Variants in CCDC171 observed in about 807,000 individuals in gnomAD.
CCDC171 encodes the protein coiled-coil domain containing 171, also known as coiled-coil domain-containing protein 171.
A neutral mutation model predicts 168.2 loss-of-function variants in CCDC171; 177 were observed. That is an observed-to-expected ratio of 1.05 (90% CI 0.93 to 1.19). CCDC171 has a LOEUF of 1.19. CCDC171 is among the 50% of genes most tolerant of loss of function. The pLI is 0.00. For missense variants in CCDC171, 1,991 were observed against 1,539.0 expected (o/e 1.29, Z -4.91); for synonymous variants, 687 against 540.8 (o/e 1.27, Z -3.75).
the CCDC171 span, among the ~76,000 whole-genome samples, chr9:16,073,490 T>A: frequency 6.6e-6 from 1 of 152,254 alleles, no homozygotes; most frequent in Non-Finnish European, 1.5e-5. Context: ...CAATCATAAT[T>A]AATGTTTGTT....
chr9:15,559,898 C>T (rs1267791314), intron 1 of CCDC171, among the ~76,000 whole-genome samples: 3 of 152,060 alleles, frequency 2.0e-5, no homozygotes, highest in Non-Finnish European at 4.4e-5. Context: ...TTTAGTGCTT[C>T]CTTCAGGAGC....
chr9:15,787,594 A>G lies in CCDC171; in HGVS notation c.3267+2900A>G, dbSNP rs574833020. On this transcript the variant is annotated intron_variant, in intron 21 of 25. Transcript: ENST00000380701. ...TAAGTATCAAGATGAACAACCTGGT[A>G]TCTAAATGTTACGCACATATCTGTG... Among the ~76,000 whole-genome samples, 133 of 152,150 alleles carry G rather than the reference A, an allele frequency of 8.7e-4. 3 individuals carry two copies. Among genetic ancestry groups the G allele is most frequent in the African/African-American group, 3.1e-3 (128 of 41,534 alleles).
At chr9:16,081,882 C>T in the CCDC171 span, among the ~76,000 whole-genome samples, 1 of 151,726 alleles carries the variant, frequency 6.6e-6, no homozygotes, top group Admixed American at 6.6e-5. Flanking sequence ...GACAGAGATG[C>T]TCACTGCATC....
At chr9:15,607,998 C>G (rs546134045) in intron 6 of CCDC171, among the ~76,000 whole-genome samples, 2 of 152,146 alleles carry the variant, frequency 1.3e-5, no homozygotes, top group African/African-American at 2.4e-5. Context: ...CTGCATCTGA[C>G]GATGGCCTTC....
rs1444975198 is a variant in CCDC171, at chr9:15,799,158, A to ATATATATATATG, written c.3267+14472_3267+14473insTATGTATATATA. 3.0e-3 allele frequency among the ~76,000 whole-genome samples: 437 copies of ATATATATATATG among 143,944 alleles called. 5 individuals carry two copies. The highest frequency in any genetic ancestry group is 0.011 in the African/African-American group (423 of 38,720). The allele number at this position is 143,944 out of a possible 152,430, so 94.4% of individuals were successfully genotyped here. On this transcript the variant is annotated intron_variant, in intron 21 of 25. Coordinates refer to ENST00000380701, the MANE Select transcript of CCDC171 (RefSeq NM_173550.4). ...GCCATATATATATATATATATATAT[A>ATATATATATATG]TATATATACCATTTTGATGCACACT...
chr9:16,078,055 AACACACACACACACACACACACACACAC>A, the CCDC171 span, among the ~76,000 whole-genome samples: 2 of 143,800 alleles, frequency 1.4e-5, no homozygotes. Context: ...CACCCATGCA[AACACACACACACACACACACACACACAC>A]ACACACACAC....
intron 20 of CCDC171, among the ~76,000 whole-genome samples, chr9:15,779,756 A>G (rs898709827): frequency 6.6e-6 from 1 of 152,234 alleles, no homozygotes; most frequent in Non-Finnish European, 1.5e-5. Context: ...TCTAACGTCC[A>G]TCAATGACTT....
intron 6 of CCDC171, among the ~76,000 whole-genome samples, chr9:16,031,746 T>G (rs1467204121): frequency 6.6e-6 from 1 of 152,140 alleles, no homozygotes; most frequent in African/African-American, 2.4e-5. Context: ...TCGATAGGAT[T>G]CCCTGGCTGC....
chr9:15,820,186 A>G lies in CCDC171; in HGVS notation c.3268-26516A>G, dbSNP rs957480087. Among the ~76,000 whole-genome samples, 22 of 116,032 alleles carry G rather than the reference A, an allele frequency of 1.9e-4. 6 individuals are homozygous for G. The highest frequency in any genetic ancestry group is 7.1e-4 in the African/African-American group (22 of 31,142). The allele number at this position is 116,032 out of a possible 152,430, so 76.1% of individuals were successfully genotyped here. On this transcript the variant is annotated intron_variant, in intron 21 of 25. Transcript: ENST00000380701. ...TACCAGAATCTCTGGGACACATTCA[A>G]AGCAGTGTGTAGAGGGAAATTTTTA...
At chr9:15,763,870 G>A (rs996992729) in intron 18 of CCDC171, among the ~76,000 whole-genome samples, 1 of 152,088 alleles carries the variant, frequency 6.6e-6, no homozygotes, top group African/African-American at 2.4e-5. Flanking sequence ...AATCTGATGT[G>A]AATATTCATA....
chr9:15,756,628 T>C (rs911281421), intron 18 of CCDC171, among the ~76,000 whole-genome samples: 2 of 152,186 alleles, frequency 1.3e-5, no homozygotes, highest in Non-Finnish European at 2.9e-5. Flanking sequence ...AGTAAAAACA[T>C]GCGGTATTTG....
intron 23 of CCDC171, among the ~76,000 whole-genome samples, chr9:15,859,039 GGT>G (rs1248184677): frequency 6.6e-6 from 1 of 151,846 alleles, no homozygotes; most frequent in Non-Finnish European, 1.5e-5. Context: ...TATGGCCTTT[GGT>G]GTGTTCAGCT....
chr9:15,943,954 C>G (rs1357825370), intron 25 of CCDC171, among the ~76,000 whole-genome samples: 6 of 151,976 alleles, frequency 3.9e-5, no homozygotes, highest in Non-Finnish European at 7.4e-5. Flanking sequence ...AGGGCTTGAA[C>G]AAGGAATTCC....
At chr9:15,729,317 G>A (rs1460645763) in intron 15 of CCDC171, among the ~76,000 whole-genome samples, 1 of 152,070 alleles carries the variant, frequency 6.6e-6, no homozygotes. Context: ...AGAAGTAACA[G>A]TATCTTTCTC....
At chr9:15,780,824 A>T (rs2057628430) in intron 20 of CCDC171, among the ~76,000 whole-genome samples, 1 of 151,946 alleles carries the variant, frequency 6.6e-6, no homozygotes, top group African/African-American at 2.4e-5. Flanking sequence ...ATATGAATGT[A>T]TCAAAATTTG....
At position 15,588,165 on chromosome 9, in the gene CCDC171, G is replaced by A. The variant is rs184442811; in HGVS notation, c.353-3201G>A. Among the ~76,000 whole-genome samples, 348 of 152,260 alleles carry A rather than the reference G, an allele frequency of 2.3e-3. 1 individual carries two copies. The highest frequency in any genetic ancestry group is 8.1e-3 in the African/African-American group (336 of 41,548). On this transcript the variant is annotated intron_variant, in intron 4 of 25. Transcript: ENST00000380701. ...TGGGAGAATCACTTGAACCTGGGCG[G>A]CAGAGGTTGCAGTGAGCCGAGATTG...
At position 15,663,836 on chromosome 9, in the gene CCDC171, A is replaced by G. The variant is rs147501267; in HGVS notation, c.916-2327A>G. Among the ~76,000 whole-genome samples the G allele has an allele frequency of 5.0e-3, 764 of 151,960 alleles. 9 individuals are homozygous for G. Among genetic ancestry groups the G allele is most frequent in the African/African-American group, 0.017 (702 of 41,434 alleles). On this transcript the variant is annotated intron_variant, in intron 8 of 25. Coordinates refer to ENST00000380701, the MANE Select transcript of CCDC171 (RefSeq NM_173550.4). ...TTAGCCAGGATGGTCTCGATCTCCT[A>G]ACCTCATGATCCGCCTGCCTCGGCC...
chr9:15,866,498 C>T (rs754605106), intron 23 of CCDC171, among the ~76,000 whole-genome samples: 7 of 151,870 alleles, frequency 4.6e-5, no homozygotes, highest in Non-Finnish European at 7.4e-5. Flanking sequence ...GGGCAAAGGA[C>T]GCTGGGAATA....
rs543999379 is a variant in CCDC171 at position 16,015,452 on chromosome 9, A to G, written n.369-5137A>G. Among the ~76,000 whole-genome samples the G allele has an allele frequency of 5.3e-5, 8 of 152,230 alleles. No homozygotes were observed. The South Asian group carries it at 1.7e-3, about 32-fold the overall frequency. On this transcript the variant is annotated intron_variant and non_coding_transcript_variant, in intron 3 of 9. Transcript: ENST00000486641. ...AAGGGTTGTATTTATAAAGACTACT[A>G]CTGTTATTATTGTTATTGTTCTTGT...
Sources: allele counts gnomAD v4.1 joint callset (sites outside exome capture counted in the v4.1 genomes callset), GRCh38; gene constraint gnomAD v4.1.1; transcripts MANE v1.5; gene names NCBI Gene and HGNC (gene_info 2026-07-23, HGNC 2026-07-21).